The following EPG5 variants were observed in gnomAD, a reference collection of about 807,000 sequenced individuals.
EPG5 encodes ectopic P granules protein 5 homolog.
EPG5 carries 159 observed loss-of-function variants against 302.7 expected under a neutral mutation model. The ratio of observed to expected loss-of-function variants is 0.53; its 90% CI spans 0.46 to 0.60. EPG5 has a LOEUF of 0.60. Ranked by LOEUF, EPG5 falls within the 20% of genes least tolerant of loss-of-function variation. The pLI is 0.00. For missense variants in EPG5, 2,896 were observed against 3,092.4 expected (o/e 0.94, Z 1.51); for synonymous variants, 1,158 against 1,136.8 (o/e 1.02, Z -0.37).
At chr18:45,890,207 G>C (rs2049310650) in intron 27 of EPG5, 2 of 266,200 alleles carry the variant, frequency 7.5e-6, no homozygotes, top group Non-Finnish European at 1.4e-5. Flanking sequence ...TTTTCTTGAA[G>C]CACAGGAAGC....
chr18:45,905,347 C>T (rs1353170634), intron 24 of EPG5, among the ~76,000 whole-genome samples: 1 of 152,162 alleles, frequency 6.6e-6, no homozygotes. Context: ...AAAAAATGTC[C>T]TTGGCTTCTC....
Position 45,908,001 on chromosome 18 carries a change from T to A in EPG5, c.4286A>T (p.His1429Leu), listed in dbSNP as rs1329572416. Residue 1429 changes from histidine to leucine, a missense_variant, in exon 24 of 44, where the codon CAT (histidine) becomes CTT (leucine). His to Leu is a moderately conservative substitution (Grantham distance 99). This residue lies in a region of EPG5 where 790 missense variants were observed against 798.0 expected (regional missense o/e 0.99). Transcript: ENST00000282041. Reference protein sequence around the residue: ...GDTYIPSLPKHYDIHRLAKVM... With the variant: ...GDTYIPSLPKLYDIHRLAKVM... Reference sequence around the variant, plus strand: ...TTTTGCTAGCCTGTGAATATCATAATGCTTTGGTAGAGAAGGGATATAGGT... The same window carrying A: ...TTTTGCTAGCCTGTGAATATCATAAAGCTTTGGTAGAGAAGGGATATAGGT... 5 of 1,599,192 alleles carry A rather than the reference T, an allele frequency of 3.1e-6. No homozygotes were observed. Among genetic ancestry groups the A allele is most frequent in the Non-Finnish European group, 4.3e-6 (5 of 1,175,886 alleles).
At chr18:45,891,850 G>T in intron 27 of EPG5, among the ~76,000 whole-genome samples, 1 of 152,282 alleles carries the variant, frequency 6.6e-6, no homozygotes, top group Non-Finnish European at 1.5e-5. Flanking sequence ...AATTAAATTT[G>T]AAATCTTTCA....
At chr18:45,884,209 T>TG (rs1446874902) in intron 30 of EPG5, among the ~76,000 whole-genome samples, 3 of 152,098 alleles carry the variant, frequency 2.0e-5, no homozygotes, top group Non-Finnish European at 4.4e-5. Context: ...TCCTGTCAGA[T>TG]CACCCATGGC....
chr18:45,890,072 AAACTGGT>A, intron 27 of EPG5, 132 bp from the exon 28 acceptor site: 1 of 617,214 alleles, frequency 1.6e-6, no homozygotes, highest in Non-Finnish European at 2.6e-6. Context: ...ACTGCCTTAT[AAACTGGT>A]AAGATCTTGA....
rs775030892 is a variant in EPG5 at position 45,934,961 on chromosome 18, C to G, written c.2105G>C (p.Gly702Ala). The change falls in exon 11 of 44, where the codon GGC becomes GCC. Residue 702 changes from glycine to alanine, a missense_variant. Gly to Ala is a moderately conservative substitution (Grantham distance 60). This residue lies in a region of EPG5 where 1,390 missense variants were observed against 1,430.0 expected (regional missense o/e 0.97). Transcript: ENST00000282041. ...VLHVLKAKRL[G>A]IWLFMSEMPF... ...CATCTCGGACATAAACAGCCAAATG[C>G]CAAGTCTGCATGTAAGCAGGAATCA... is the stretch of plus-strand genomic sequence containing the variant. The G allele has an allele frequency of 1.2e-6, 2 of 1,609,044 alleles. No individual in the cohort carries two copies. The highest frequency in any genetic ancestry group is 2.2e-5 in the South Asian group (2 of 90,018).
chr18:45,854,013 C>T (rs116469299), intron 43 of EPG5, among the ~76,000 whole-genome samples: 2,166 of 152,248 alleles, frequency 0.014, 35 homozygotes, highest in African/African-American at 0.042. Flanking sequence ...ACTTTAAGTC[C>T]AAAGAAATGA....
intron 39 of EPG5, among the ~76,000 whole-genome samples, chr18:45,863,248 A>G (rs944219572): frequency 2.0e-5 from 3 of 152,176 alleles, no homozygotes; most frequent in African/African-American, 7.2e-5. Context: ...CTACCTTAAC[A>G]ATCTTTGTCT....
In EPG5 at chr18:45,851,429, A is replaced by G. The variant is rs953023707; in HGVS notation, c.*1038T>C. Reference sequence around the variant, plus strand: ...CAACAGAAGGCACGTGGCTATGGAAAAAAAGCCAAATTTCAGTAGATCTCC... The same window carrying G: ...CAACAGAAGGCACGTGGCTATGGAAGAAAAGCCAAATTTCAGTAGATCTCC... On this transcript the variant is annotated 3_prime_UTR_variant, in exon 44 of 44. Transcript: ENST00000282041. 1.3e-5 allele frequency: 2 copies of G among 152,220 alleles called. No homozygotes were observed. The highest frequency in any genetic ancestry group is 2.9e-5 in the Non-Finnish European group (2 of 68,040). 9.4% of individuals were successfully genotyped at this position (152,220 alleles called of 1,614,324 possible).
chr18:45,860,126 G>A lies in EPG5; in HGVS notation c.6987C>T (p.Cys2329=). The part of the protein sequence containing the change: ...VRHMAETTEA[C]ITAYFKESPL... ...TACTTTCTTTGAAGTAGGCAGTGAT[G>A]CAGGCTTCTGTAGTCTCAGCCATGT... Residue 2329 remains cysteine, a synonymous_variant, in exon 40 of 44, where the codon TGC becomes TGT. Coordinates refer to ENST00000282041, the MANE Select transcript of EPG5 (RefSeq NM_020964.3). 6.2e-7 allele frequency: 1 copy of A among 1,614,234 alleles called. No homozygotes were observed. The highest frequency in any genetic ancestry group is 8.5e-7 in the Non-Finnish European group (1 of 1,180,046).
At chr18:45,818,526 G>A in the EPG5 span, among the ~76,000 whole-genome samples, 52 of 152,132 alleles carry the variant, frequency 3.4e-4, no homozygotes, top group African/African-American at 1.1e-3. Context: ...GGTGAAACAG[G>A]TATTTCATCA....
intron 1 of EPG5, among the ~76,000 whole-genome samples, chr18:45,964,259 A>C (rs1390548735): frequency 6.6e-6 from 1 of 152,226 alleles, no homozygotes; most frequent in Non-Finnish European, 1.5e-5. Flanking sequence ...GTAACATTCT[A>C]TCTATGGAAA....
intron 39 of EPG5, among the ~76,000 whole-genome samples, chr18:45,862,736 C>T (rs1168680569): frequency 6.6e-6 from 1 of 152,242 alleles, no homozygotes; most frequent in Admixed American, 6.5e-5. Context: ...ACCATGCTTC[C>T]TGTACAGCCT....
chr18:45,831,185 C>T, the EPG5 span, among the ~76,000 whole-genome samples: 2 of 152,164 alleles, frequency 1.3e-5, no homozygotes, highest in African/African-American at 2.4e-5. Context: ...CATGGTGCCT[C>T]GGGCCGTCTC....
chr18:45,832,169 C>A, the EPG5 span, among the ~76,000 whole-genome samples: 1 of 152,250 alleles, frequency 6.6e-6, no homozygotes, highest in Non-Finnish European at 1.5e-5. Context: ...GTGTTCAGTG[C>A]TCTACATACG....
downstream of EPG5, chr18:45,843,812 G>C (rs1422550797): frequency 6.6e-6 from 1 of 152,252 alleles, no homozygotes; most frequent in African/African-American, 2.4e-5. Flanking sequence ...CCAGGAGGCA[G>C]AGGTTGCAGT....
intron 14 of EPG5, among the ~76,000 whole-genome samples, chr18:45,925,388 G>T (rs1390043515): frequency 6.6e-6 from 1 of 152,168 alleles, no homozygotes; most frequent in Non-Finnish European, 1.5e-5. Flanking sequence ...CAGGAGAATT[G>T]CTTGAACCTG....
At chr18:45,872,706 A>G (rs1299373381) in intron 35 of EPG5, among the ~76,000 whole-genome samples, 2 of 151,898 alleles carry the variant, frequency 1.3e-5, no homozygotes, top group Non-Finnish European at 2.9e-5. Context: ...TCCTTGTCCA[A>G]AAAAAAAGCC....
the EPG5 span, chr18:45,840,140 G>T: frequency 4.8e-5 from 75 of 1,565,516 alleles, no homozygotes; most frequent in Non-Finnish European, 6.3e-5. Flanking sequence ...CATGGCATGG[G>T]TGGGGGTGGG....
Sources: gnomAD v4.1 joint callset for allele counts (sites outside exome capture counted in the v4.1 genomes callset) on GRCh38, gnomAD v4.1.1 for gene constraint, gnomAD v4.1.1 regional missense constraint, MANE v1.5 for transcripts, NCBI Gene and HGNC (gene_info 2026-07-23, HGNC 2026-07-21) for gene names.